Variants in CSRNP1 observed in about 807,000 individuals in gnomAD.
The protein encoded by CSRNP1 is cysteine and serine rich nuclear protein 1.
In CSRNP1, 8 loss-of-function variants were observed where a neutral mutation model predicts 25.0. That is an observed-to-expected ratio of 0.32 (90% confidence interval 0.19 to 0.58). CSRNP1 has a LOEUF of 0.58. Ranked by LOEUF, CSRNP1 falls within the 20% of genes least tolerant of loss-of-function variation. The pLI is 0.88. For synonymous variants in CSRNP1, 305 were observed against 303.1 expected (o/e 1.01, Z -0.06); for missense variants, 691 against 773.1 (o/e 0.89, Z 1.26).
In CSRNP1 at chr3:39,142,577, A is replaced by G. The variant is rs1260087076; in HGVS notation, c.*478T>C. On this transcript the variant is annotated 3_prime_UTR_variant, in exon 5 of 5. Coordinates refer to ENST00000273153, the MANE Select transcript of CSRNP1 (RefSeq NM_033027.4). ...ACCCACCAGCCAAAGAAGTGCAACC[A>G]AAGCCTCCTCAATCTCCAAATAAAT... The G allele has an allele frequency of 6.5e-6, 1 of 153,534 alleles. No homozygotes were observed. The highest frequency in any genetic ancestry group is 1.9e-4 in the East Asian group (1 of 5,202). 9.5% of individuals were successfully genotyped at this position (153,534 alleles called of 1,614,324 possible).
chr3:39,146,749 G>A, intron 1 of CSRNP1, 27 bp from the exon 2 acceptor site: 1 of 1,530,530 alleles, frequency 6.5e-7, no homozygotes, highest in East Asian at 2.5e-5. Flanking sequence ...AAGGCTCTAA[G>A]TGGCAGGCAG....
chr3:39,147,049 AC>A (rs1553689773), intron 1 of CSRNP1, among the ~76,000 whole-genome samples: 2 of 382 alleles, frequency 5.2e-3, no homozygotes, highest in Non-Finnish European at 0.011. Flanking sequence ...TACACAAAAC[AC>A]ACACACACAC....
intron 1 of CSRNP1, 87 bp from the exon 2 acceptor site, chr3:39,146,809 C>T: frequency 6.8e-7 from 1 of 1,476,596 alleles, no homozygotes; most frequent in African/African-American, 1.4e-5. Context: ...CCCACTTACC[C>T]TCCAAGGCAT....
At position 39,144,497 on chromosome 3, in the gene CSRNP1, T is replaced by C. The variant is rs752976972; in HGVS notation, c.466-46A>G. The C allele has an allele frequency of 1.2e-5, 18 of 1,544,808 alleles. No individual in the cohort carries two copies. In the South Asian group the frequency reaches 2.2e-4, roughly 19 times the overall value. On this transcript the variant is annotated intron_variant, in intron 3 of 4. Transcript: ENST00000273153. Reference sequence around the variant, plus strand: ...GATGTAAGAAGCACAGACATGGACATGGGCTTAGCCCTACTGTCACTAGAC... The same window carrying C: ...GATGTAAGAAGCACAGACATGGACACGGGCTTAGCCCTACTGTCACTAGAC...
Position 39,143,493 on chromosome 3 carries a change from A to C in CSRNP1, c.1332T>G (p.Tyr444Ter). The change falls in exon 5 of 5, where the codon TAT (tyrosine) becomes TAG (stop). Residue 444 changes from tyrosine to a stop codon, truncating the protein, a stop_gained. Coordinates refer to ENST00000273153, the MANE Select transcript of CSRNP1 (RefSeq NM_033027.4). LOFTEE classifies it low-confidence loss of function (END_TRUNC). ...CGCCTGATGTGAAGCTACAGCCAGA[A>C]TAGCTGTGGGTCCAGCTGGCCAGGC... is the stretch of plus-strand genomic sequence containing the variant. The part of the protein sequence containing the change: ...PGGLASWTHS[Y>*]SGCSFTSGVL... 2 of 1,614,144 alleles carry C rather than the reference A, an allele frequency of 1.2e-6. No homozygotes were observed. Among genetic ancestry groups the C allele is most frequent in the Non-Finnish European group, 1.7e-6 (2 of 1,179,966 alleles).
Position 39,143,491 on chromosome 3 carries a change from G to C in CSRNP1, c.1334C>G (p.Ser445Cys). 1 of 1,614,142 alleles carries C rather than the reference G, an allele frequency of 6.2e-7. No homozygotes were observed. Among genetic ancestry groups the C allele is most frequent in the South Asian group, 1.1e-5 (1 of 91,084 alleles). ...GGLASWTHSY[S>C]GCSFTSGVLD... Reference sequence around the variant, plus strand: ...GACGCCTGATGTGAAGCTACAGCCAGAATAGCTGTGGGTCCAGCTGGCCAG... The same window carrying C: ...GACGCCTGATGTGAAGCTACAGCCACAATAGCTGTGGGTCCAGCTGGCCAG... Residue 445 changes from serine to cysteine, a missense_variant, in exon 5 of 5, where the codon TCT becomes TGT. Transcript: ENST00000273153.
Position 39,143,847 on chromosome 3 carries a change from C to T in CSRNP1, c.978G>A (p.Glu326=), listed in dbSNP as rs758828250. 1 of 1,614,118 alleles carries T rather than the reference C, an allele frequency of 6.2e-7. No individual in the cohort carries two copies. Among genetic ancestry groups the T allele is most frequent in the East Asian group, 2.2e-5 (1 of 44,898 alleles). ...CCAGTGGGAAAGTAGGGACCAGGGCCTCCTCACCAGGGCTGGGTGGGCTGC... is the reference window on the plus strand; with the variant it reads ...CCAGTGGGAAAGTAGGGACCAGGGCTTCCTCACCAGGGCTGGGTGGGCTGC... ...AQGSPPSPGE[E]ALVPTFPLAK... Residue 326 remains glutamate (E), a synonymous_variant, in exon 5 of 5, where the codon GAG becomes GAA. Transcript: ENST00000273153.
chr3:39,150,011 A>G (rs911968762), intron 1 of CSRNP1: 5 of 152,182 alleles, frequency 3.3e-5, no homozygotes, highest in African/African-American at 1.2e-4. Context: ...TAGCACCTTT[A>G]TAAGAAGTGA....
chr3:39,145,448 C>A (rs2039495662), intron 2 of CSRNP1, among the ~76,000 whole-genome samples, 192 bp from the exon 3 acceptor site: 1 of 152,208 alleles, frequency 6.6e-6, no homozygotes, highest in Non-Finnish European at 1.5e-5. Flanking sequence ...GAATACCACA[C>A]CCATGTCAGA....
chr3:39,148,952 C>CTGT (rs2039551278), intron 1 of CSRNP1: 1 of 152,266 alleles, frequency 6.6e-6, no homozygotes, highest in Non-Finnish European at 1.5e-5. Context: ...TCTGGCTCCA[C>CTGT]TGTTACTTGG....
rs1223240828 is a variant in CSRNP1, at chr3:39,141,950, C to T, written c.*1105G>A. On this transcript the variant is annotated 3_prime_UTR_variant, in exon 5 of 5. Coordinates refer to ENST00000273153, the MANE Select transcript of CSRNP1 (RefSeq NM_033027.4). ...CAAGGCCTCCTGGGCAAGGGGCAGG[C>T]CCAGAGCCTGCGTTTCTTGGCACAG... 2 of 152,650 alleles carry T rather than the reference C, an allele frequency of 1.3e-5. No individual in the cohort carries two copies. Among genetic ancestry groups the T allele is most frequent in the African/African-American group, 4.8e-5 (2 of 41,450 alleles). The allele number at this position is 152,650 out of a possible 1,614,324, so 9.5% of individuals were successfully genotyped here. A position where few individuals can be genotyped will look rare whatever the true frequency, so the allele number is the denominator to read the frequency against.
At position 39,143,764 on chromosome 3, in the gene CSRNP1, T is replaced by A. The variant is rs1559730459; in HGVS notation, c.1061A>T (p.Asp354Val). The A allele has an allele frequency of 6.2e-7, 1 of 1,614,022 alleles. No individual in the cohort carries two copies. The highest frequency in any genetic ancestry group is 1.7e-5 in the Admixed American group (1 of 59,998). Residue 354 changes from aspartate (D) to valine (V), a missense_variant, in exon 5 of 5, where the codon GAT becomes GTT. Coordinates refer to ENST00000273153, the MANE Select transcript of CSRNP1 (RefSeq NM_033027.4). ...GDNSCSSDMT[D>V]SSTASSSASG... ...TGCTGATGAAGATGCTGTAGAAGAA[T>A]CAGTCATGTCGCTGCTGCAGCTGTT...
At chr3:39,147,043 CAA>C (rs1344670715) in intron 1 of CSRNP1, among the ~76,000 whole-genome samples, 1 of 23,826 alleles carries the variant, frequency 4.2e-5, no homozygotes, top group Non-Finnish European at 8.1e-5. Context: ...CATACATACA[CAA>C]AACACACACA....
intron 1 of CSRNP1, chr3:39,152,779 GGA>G (rs1463853895): frequency 1.3e-5 from 2 of 154,206 alleles, no homozygotes; most frequent in African/African-American, 4.8e-5. Flanking sequence ...GAAGTGCGTG[GGA>G]GAGAGTCTAC....
chr3:39,153,607 C>T (rs1445417887), upstream of CSRNP1: 1 of 151,874 alleles, frequency 6.6e-6, no homozygotes, highest in African/African-American at 2.4e-5. Flanking sequence ...CGCCCAGCCC[C>T]GCCCGCCGCT....
rs1452901182 is a variant in CSRNP1 at position 39,146,453 on chromosome 3, A to G, written c.205+25T>C. 4.7e-6 allele frequency: 7 copies of G among 1,496,878 alleles called. No individual in the cohort carries two copies. The East Asian group carries it at 1.7e-4, about 37-fold the overall frequency. 92.7% of individuals were successfully genotyped at this position (1,496,878 alleles called of 1,614,324 possible). A position where few individuals can be genotyped will look rare whatever the true frequency, so the allele number is the denominator to read the frequency against. ...TTTCAGGAAGGCAGGCAGGTGATGG[A>G]GTTCCCAGGGGAGGGAGTACTCACG... On this transcript the variant is annotated intron_variant, in intron 2 of 4. Transcript: ENST00000273153.
intron 1 of CSRNP1, among the ~76,000 whole-genome samples, chr3:39,147,211 CTGTGTGTG>C (rs10679310): frequency 6.7e-6 from 1 of 148,458 alleles, no homozygotes; most frequent in African/African-American, 2.5e-5. Context: ...ATCTGTGTGC[CTGTGTGTG>C]TGTGTGTGTG....
chr3:39,147,363 CG>C (rs1288908274), intron 1 of CSRNP1, among the ~76,000 whole-genome samples: 1 of 152,162 alleles, frequency 6.6e-6, no homozygotes, highest in Non-Finnish European at 1.5e-5. Context: ...GGCAGGGCTG[CG>C]GGCCCTTGCT....
At position 39,146,657 on chromosome 3, in the gene CSRNP1, A is replaced by G. The variant is rs1292627402; in HGVS notation, c.26T>C (p.Phe9Ser). ...GGAGTTGTCCTCATCCAGCTGGTCA[A>G]ATTTCCTCTTCAACAGCCCAGTCAT... MTGLLKRKFDQLDEDNSSV... is the reference protein window; with the variant it reads MTGLLKRKSDQLDEDNSSV... Residue 9 changes from phenylalanine to serine, a missense_variant, in exon 2 of 5, where the codon TTT (phenylalanine) becomes TCT (serine). Phe to Ser is a radical substitution (Grantham distance 155). Coordinates refer to ENST00000273153, the MANE Select transcript of CSRNP1 (RefSeq NM_033027.4). 12 of 1,567,992 alleles carry G rather than the reference A, an allele frequency of 7.7e-6. No individual in the cohort carries two copies. The highest frequency in any genetic ancestry group is 1.9e-5 in the Admixed American group (1 of 53,274).
Sources: allele counts gnomAD v4.1 joint callset (sites outside exome capture counted in the v4.1 genomes callset), GRCh38; gene constraint gnomAD v4.1.1; transcripts MANE v1.5; gene names NCBI Gene and HGNC (gene_info 2026-07-23, HGNC 2026-07-21).